Variants in NAALAD2 observed in about 807,000 individuals in gnomAD.
NAALAD2 encodes the protein N-acetylated alpha-linked acidic dipeptidase 2, also known as N-acetylated-alpha-linked acidic dipeptidase 2.
NAALAD2 carries 89 observed loss-of-function variants against 95.6 expected under a neutral mutation model. That is an observed-to-expected ratio of 0.93 (90% CI 0.78 to 1.11). The LOEUF (loss-of-function observed/expected upper bound fraction) is 1.11. Ranked by LOEUF, NAALAD2 falls within the 50% of genes least tolerant of loss-of-function variation. The pLI is 0.00. For missense variants in NAALAD2, 894 were observed against 872.4 expected, an observed-to-expected ratio of 1.02 and a Z score of -0.31; for synonymous variants, 264 against 294.4, an observed-to-expected ratio of 0.90 and a Z score of 1.06.
At chr11:90,147,895 G>C (rs1288144055) in intron 3 of NAALAD2, among the ~76,000 whole-genome samples, 1 of 152,176 alleles carries the variant, frequency 6.6e-6, no homozygotes, top group Non-Finnish European at 1.5e-5. Flanking sequence ...AATAAGCTAA[G>C]AAAATTCTCA....
At chr11:90,180,363 AT>A (rs1467641730) in intron 16 of NAALAD2, among the ~76,000 whole-genome samples, 1 of 152,166 alleles carries the variant, frequency 6.6e-6, no homozygotes, top group Non-Finnish European at 1.5e-5. Flanking sequence ...TAAAACAACA[AT>A]TAAAAGTTAA....
At chr11:90,167,464 G>A (rs909428105) in intron 11 of NAALAD2, among the ~76,000 whole-genome samples, 3 of 152,190 alleles carry the variant, frequency 2.0e-5, no homozygotes, top group African/African-American at 7.2e-5. Flanking sequence ...GCCTCCCGAC[G>A]AGCACCGCTT....
chr11:90,147,839 T>G (rs1256751395), intron 3 of NAALAD2, among the ~76,000 whole-genome samples: 1 of 152,184 alleles, frequency 6.6e-6, no homozygotes, highest in Non-Finnish European at 1.5e-5. Flanking sequence ...TCCTGAAGTC[T>G]TGACACGTGA....
Position 90,147,408 on chromosome 11 carries a change from G to A in NAALAD2, c.273G>A (p.Lys91=). 6.2e-7 allele frequency: 1 copy of A among 1,614,018 alleles called. No homozygotes were observed. Among genetic ancestry groups the A allele is most frequent in the Admixed American group, 1.7e-5 (1 of 60,004 alleles). Residue 91 remains lysine, a synonymous_variant, in exon 3 of 19, where the codon AAG becomes AAA. Coordinates refer to ENST00000534061, the MANE Select transcript of NAALAD2 (RefSeq NM_005467.4). ...CCAAGAAAATCCAAACCCAGTGGAA[G>A]AAATTTGGACTAGATTCAGCCAAGT... ...LLAKKIQTQW[K]KFGLDSAKLV...
chr11:90,146,216 A>G (rs2134850586), intron 2 of NAALAD2, among the ~76,000 whole-genome samples: 1 of 151,768 alleles, frequency 6.6e-6, no homozygotes, highest in Non-Finnish European at 1.5e-5. Flanking sequence ...TTGTCATACA[A>G]CAGGTTTTCA....
rs1378469615 is a variant in NAALAD2, at chr11:90,173,607, A to G, written c.1411-217A>G. ...AGGTACATGGCAAAATTACCAACAC[A>G]GGTAGACATCATGAATAAAAAATAA... is the stretch of plus-strand genomic sequence containing the variant. On this transcript the variant is annotated intron_variant, in intron 13 of 18. Coordinates refer to ENST00000534061, the MANE Select transcript of NAALAD2 (RefSeq NM_005467.4). 5.5e-4 allele frequency among the ~76,000 whole-genome samples: 83 copies of G among 152,174 alleles called. 1 individual carries two copies. Among genetic ancestry groups the G allele is most frequent in the Admixed American group, 5.4e-3 (83 of 15,274 alleles).
At chr11:90,144,512 G>T (rs1263647075) in intron 2 of NAALAD2, among the ~76,000 whole-genome samples, 1 of 151,852 alleles carries the variant, frequency 6.6e-6, no homozygotes, top group Non-Finnish European at 1.5e-5. Flanking sequence ...AGGCCAAGGA[G>T]AGTGGATCAC....
intron 6 of NAALAD2, among the ~76,000 whole-genome samples, chr11:90,155,892 ATT>A (rs1217932591): frequency 1.4e-5 from 2 of 142,982 alleles, no homozygotes; most frequent in African/African-American, 2.6e-5. Flanking sequence ...TGTAATATAT[ATT>A]ATATATTATA....
chr11:90,166,319 A>G (rs7951089), intron 11 of NAALAD2, among the ~76,000 whole-genome samples: 68,556 of 151,860 alleles, frequency 0.45, 16,478 homozygotes, highest in African/African-American at 0.62. Context: ...GTGTATGTGT[A>G]TGAGAGAGAG....
In NAALAD2 at chr11:90,181,696, T is replaced by C. The variant is rs571287524; in HGVS notation, c.1935T>C (p.Leu645=). The change falls in exon 17 of 19, where the codon CTT becomes CTC. Residue 645 remains leucine, a synonymous_variant. Transcript: ENST00000534061. ...DFHKRLIQVD[L]NNPIAVRMMN... is the part of the protein sequence containing the mutation. ...ATAAACGACTTATACAAGTTGATCT[T>C]AACAAGTAAGTTTCAAATCCCTTTT... 4 of 1,569,308 alleles carry C rather than the reference T, an allele frequency of 2.5e-6. No homozygotes were observed. In the East Asian group the frequency reaches 9.0e-5, roughly 35 times the overall value.
rs757389980 is a variant in NAALAD2, at chr11:90,134,715, C to T, written c.-44C>T. Reference sequence around the variant, plus strand: ...TCTCTGTTTCTCTGCAGCCCCGAAGCTCGCGAATGTAGCAGGCGCCCCAAG... The same window carrying T: ...TCTCTGTTTCTCTGCAGCCCCGAAGTTCGCGAATGTAGCAGGCGCCCCAAG... On this transcript the variant is annotated 5_prime_UTR_variant, in exon 1 of 19. Coordinates refer to ENST00000534061, the MANE Select transcript of NAALAD2 (RefSeq NM_005467.4). The T allele has an allele frequency of 2.1e-5, 33 of 1,595,228 alleles. No individual in the cohort carries two copies. The highest frequency in any genetic ancestry group is 2.7e-5 in the Non-Finnish European group (32 of 1,164,306).
chr11:90,148,205 C>A (rs11018880), intron 3 of NAALAD2, among the ~76,000 whole-genome samples: 80 of 151,998 alleles, frequency 5.3e-4, no homozygotes, highest in African/African-American at 1.8e-3. Flanking sequence ...GGCTAAGCAA[C>A]GGGTTAAAGT....
intron 6 of NAALAD2, among the ~76,000 whole-genome samples, chr11:90,155,017 CATATACATA>C (rs1167679277): frequency 1.1e-5 from 1 of 93,918 alleles, no homozygotes; most frequent in African/African-American, 4.0e-5. Flanking sequence ...ATATTATATA[CATATACATA>C]ATATGTATAT....
At chr11:90,149,800 T>C (rs1028414739) in intron 4 of NAALAD2, among the ~76,000 whole-genome samples, 32 of 152,216 alleles carry the variant, frequency 2.1e-4, no homozygotes, top group Admixed American at 1.3e-4. Flanking sequence ...TATGGATTCA[T>C]AGATAGGATT....
intron 18 of NAALAD2, among the ~76,000 whole-genome samples, chr11:90,185,314 C>T (rs1857102511): frequency 6.6e-6 from 1 of 151,580 alleles, no homozygotes; most frequent in South Asian, 2.1e-4. Context: ...AATATGTAAA[C>T]CCATTTATAT....
At chr11:90,171,968 C>T (rs1168918137) in intron 13 of NAALAD2, among the ~76,000 whole-genome samples, 1 of 151,706 alleles carries the variant, frequency 6.6e-6, no homozygotes, top group East Asian at 1.9e-4. Context: ...GAGTGTAAGC[C>T]ATAGAAATCC....
intron 15 of NAALAD2, among the ~76,000 whole-genome samples, chr11:90,177,586 GTTTTTTTTTTTTTTTTTTTTTT>G (rs57694347): frequency 9.8e-4 from 28 of 28,464 alleles, no homozygotes; most frequent in South Asian, 2.1e-3. Context: ...TCTTTTTCTT[GTTTTTTTTTTTTTTTTTTTTTT>G]TTTTTTTTTT....
intron 11 of NAALAD2, among the ~76,000 whole-genome samples, chr11:90,168,168 C>T (rs1181130356): frequency 2.0e-5 from 3 of 152,170 alleles, no homozygotes; most frequent in Non-Finnish European, 2.9e-5. Context: ...TTAAGAGTAA[C>T]ACTCACCGTG....
At chr11:90,138,209 T>C (rs1590952598) in intron 2 of NAALAD2, among the ~76,000 whole-genome samples, 2 of 152,054 alleles carry the variant, frequency 1.3e-5, no homozygotes, top group East Asian at 3.9e-4. Flanking sequence ...AGAAAAAGCA[T>C]TTACTATTCA....
Sources: allele counts gnomAD v4.1 joint callset (sites outside exome capture counted in the v4.1 genomes callset), GRCh38; gene constraint gnomAD v4.1.1; transcripts MANE v1.5; gene names NCBI Gene and HGNC (gene_info 2026-07-23, HGNC 2026-07-21).